Variants in PRMT9 observed in about 807,000 individuals in gnomAD.
PRMT9 encodes the protein protein arginine methyltransferase 9.
Under a neutral mutation model 83.2 loss-of-function variants are expected in PRMT9, and 59 were observed. The ratio of observed to expected loss-of-function variants is 0.71; its 90% CI spans 0.57 to 0.88. PRMT9 has a LOEUF of 0.88. Ranked by LOEUF, PRMT9 falls within the 40% of genes least tolerant of loss-of-function variation. PRMT9 has a pLI of 0.00. For synonymous variants in PRMT9, 333 were observed against 353.2 expected, an observed-to-expected ratio of 0.94 and a Z score of 0.64; for missense variants, 947 against 1,021.9, an observed-to-expected ratio of 0.93 and a Z score of 1.00.
chr4:147,654,616 G>T, intron 8 of PRMT9, 50 bp from the exon 9 acceptor site: 1 of 1,186,496 alleles, frequency 8.4e-7, no homozygotes. Flanking sequence ...TTATAAGCCA[G>T]AGGATCACAT....
chr4:147,680,493 T>C lies in PRMT9; in HGVS notation c.190-22A>G, dbSNP rs1395491759. 6.5e-6 allele frequency: 10 copies of C among 1,549,748 alleles called. No individual in the cohort carries two copies. The South Asian group carries it at 1.0e-4, about 16-fold the overall frequency. On this transcript the variant is annotated intron_variant, in intron 1 of 11. Transcript: ENST00000322396. ...TTTCCTTTACAAATAAGAAAAAAAT[T>C]ATGAATTAGTCAATAACATAAAAGA...
chr4:147,671,032 A>AT (rs1480238744), intron 4 of PRMT9, among the ~76,000 whole-genome samples: 2 of 151,900 alleles, frequency 1.3e-5, no homozygotes, highest in African/African-American at 4.8e-5. Flanking sequence ...TCTCCAGGCT[A>AT]TTTTTTCATT....
At chr4:147,681,398 T>C (rs981161215) in intron 1 of PRMT9, among the ~76,000 whole-genome samples, 1 of 152,248 alleles carries the variant, frequency 6.6e-6, no homozygotes, top group Non-Finnish European at 1.5e-5. Context: ...GCTTTAGTCA[T>C]TAAAACATTT....
chr4:147,642,581 T>C lies in PRMT9; in HGVS notation c.2199+206A>G, dbSNP rs997675261. Among the ~76,000 whole-genome samples the C allele has an allele frequency of 3.3e-5, 5 of 152,224 alleles. 1 individual carries two copies. The highest frequency in any genetic ancestry group is 6.5e-5 in the Admixed American group (1 of 15,280). On this transcript the variant is annotated intron_variant, in intron 10 of 11. Transcript: ENST00000322396. ...TTATCAGCAGTCATGACAAAATTCCTTGGTTATTGTAACCTCTAGGTTGAT... is the reference window on the plus strand; with the variant it reads ...TTATCAGCAGTCATGACAAAATTCCCTGGTTATTGTAACCTCTAGGTTGAT...
intron 6 of PRMT9, among the ~76,000 whole-genome samples, chr4:147,667,881 C>T (rs919987683): frequency 2.0e-5 from 3 of 151,610 alleles, no homozygotes; most frequent in African/African-American, 7.3e-5. Context: ...TCAGTCAGAA[C>T]TTAATATTTT....
chr4:147,661,215 A>T lies in PRMT9; in HGVS notation c.954-177T>A, dbSNP rs574139492. ...TATAAAACCACTAACTATAAAGGAA[A>T]ACAACTATAAATAGGTCTATAATAA... On this transcript the variant is annotated intron_variant, in intron 6 of 11. Transcript: ENST00000322396. The T allele has an allele frequency of 1.6e-5, 9 of 559,940 alleles. No homozygotes were observed. In the East Asian group the frequency reaches 2.3e-4, roughly 14 times the overall value. The allele number at this position is 559,940 out of a possible 1,614,324, so 34.7% of individuals were successfully genotyped here. A position where few individuals can be genotyped will look rare whatever the true frequency, so the allele number is the denominator to read the frequency against.
Position 147,642,264 on chromosome 4 carries a change from A to G in PRMT9, c.2199+523T>C, listed in dbSNP as rs1733452643. 2.0e-5 allele frequency among the ~76,000 whole-genome samples: 3 copies of G among 151,712 alleles called. No homozygotes were observed. In the South Asian group the frequency reaches 6.2e-4, roughly 32 times the overall value. On this transcript the variant is annotated intron_variant, in intron 10 of 11. Coordinates refer to ENST00000322396, the MANE Select transcript of PRMT9 (RefSeq NM_138364.4). ...AAAACTTTTTTTTTTTTTGAGATGC[A>G]GTCTCGCTCTGTCATCCAGACTGGA...
At chr4:147,642,526 C>G (rs1733470235) in intron 10 of PRMT9, among the ~76,000 whole-genome samples, 1 of 8,832 alleles carries the variant, frequency 1.1e-4, no homozygotes. Context: ...CAGGCATGAG[C>G]CACACACCTG....
chr4:147,660,884 A>C lies in PRMT9; in HGVS notation c.1108T>G (p.Cys370Gly). Residue 370 changes from cysteine (C) to glycine (G), a missense_variant, in exon 7 of 12, where the codon TGC (cysteine) becomes GGC (glycine). Cys to Gly is a radical substitution (Grantham distance 159, BLOSUM62 -3). Transcript: ENST00000322396. ...VPGGYLALTE[C>G]FEIMTVDFNN... ...AAATCTACTGTCATAATTTCAAAGCACTCTGTCAAAGCCAAATATCCTCCA... is the reference window on the plus strand; with the variant it reads ...AAATCTACTGTCATAATTTCAAAGCCCTCTGTCAAAGCCAAATATCCTCCA... 1 of 1,613,862 alleles carries C rather than the reference A, an allele frequency of 6.2e-7. No individual in the cohort carries two copies. Among genetic ancestry groups the C allele is most frequent in the Non-Finnish European group, 8.5e-7 (1 of 1,179,832 alleles).
intron 8 of PRMT9, 142 bp downstream of exon 8, chr4:147,657,650 G>T: frequency 3.0e-6 from 2 of 659,176 alleles, no homozygotes; most frequent in Non-Finnish European, 5.4e-6. Flanking sequence ...AATTTCTTTT[G>T]AAAAAAAATG....
At chr4:147,644,424 A>T (rs909797902) in intron 9 of PRMT9, among the ~76,000 whole-genome samples, 6 of 151,462 alleles carry the variant, frequency 4.0e-5, no homozygotes, top group African/African-American at 1.5e-4. Flanking sequence ...GAGAGAGTCA[A>T]GGGTTAACAA....
Position 147,639,098 on chromosome 4 carries a change from A to T in PRMT9, c.2200-16T>A. The T allele has an allele frequency of 6.2e-7, 1 of 1,612,786 alleles. No homozygotes were observed. ...GTATAGGTACCTAGAGAAAGTATAA[A>T]TTTTTCACTTTCACTTTTTCTTTTT... On this transcript the variant is annotated splice_polypyrimidine_tract_variant and intron_variant, in intron 10 of 11. Coordinates refer to ENST00000322396, the MANE Select transcript of PRMT9 (RefSeq NM_138364.4).
intron 5 of PRMT9, among the ~76,000 whole-genome samples, chr4:147,670,410 C>T (rs1312582877): frequency 6.6e-6 from 1 of 152,080 alleles, no homozygotes; most frequent in Non-Finnish European, 1.5e-5. Flanking sequence ...AACTCCCGAC[C>T]TCAGGTGATC....
At chr4:147,672,856 T>A in intron 4 of PRMT9, 103 bp downstream of exon 4, 1 of 843,570 alleles carries the variant, frequency 1.2e-6, no homozygotes, top group Non-Finnish European at 2.0e-6. Flanking sequence ...CTTTACAAAA[T>A]AAGGGTTTTG....
Position 147,666,159 on chromosome 4 carries a change from T to C in PRMT9, c.953+2380A>G, listed in dbSNP as rs538295012. On this transcript the variant is annotated intron_variant, in intron 6 of 11. Coordinates refer to ENST00000322396, the MANE Select transcript of PRMT9 (RefSeq NM_138364.4). Reference sequence around the variant, plus strand: ...TATCCCATTGGTTTTAATTTCCATTTCTCTGATTAATAGACAATTATATTC... The same window carrying C: ...TATCCCATTGGTTTTAATTTCCATTCCTCTGATTAATAGACAATTATATTC... Among the ~76,000 whole-genome samples, 16 of 152,368 alleles carry C rather than the reference T, an allele frequency of 1.1e-4. No homozygotes were observed. In the South Asian group the frequency reaches 3.1e-3, roughly 30 times the overall value.
intron 8 of PRMT9, among the ~76,000 whole-genome samples, chr4:147,654,782 G>C (rs1408627963): frequency 2.0e-5 from 3 of 152,120 alleles, no homozygotes; most frequent in African/African-American, 7.2e-5. Flanking sequence ...TAGCATAATG[G>C]AGACATTTGA....
intron 4 of PRMT9, among the ~76,000 whole-genome samples, chr4:147,672,224 T>G (rs1238816537): frequency 6.6e-6 from 1 of 152,242 alleles, no homozygotes; most frequent in African/African-American, 2.4e-5. Context: ...AGATAAATAC[T>G]ATTATATGTA....
chr4:147,679,786 A>C (rs1736344775), intron 2 of PRMT9, among the ~76,000 whole-genome samples: 1 of 152,162 alleles, frequency 6.6e-6, no homozygotes, highest in Non-Finnish European at 1.5e-5. Flanking sequence ...TGTAGCAAGA[A>C]AGAGTTTTGC....
intron 6 of PRMT9, 63 bp from the exon 7 acceptor site, chr4:147,661,101 T>C: frequency 1.9e-6 from 2 of 1,028,380 alleles, no homozygotes; most frequent in South Asian, 1.3e-5. Flanking sequence ...AAGTAACATA[T>C]CTAATACTGA....
Sources: allele counts gnomAD v4.1 joint callset (sites outside exome capture counted in the v4.1 genomes callset), GRCh38; gene constraint gnomAD v4.1.1; transcripts MANE v1.5; gene names NCBI Gene and HGNC (gene_info 2026-07-23, HGNC 2026-07-21).